The following PCDHB10 variants were observed in gnomAD, a reference collection of about 807,000 sequenced individuals.
The protein encoded by PCDHB10 is protocadherin beta-10.
For synonymous variants in PCDHB10, 448 were observed against 449.2 expected, an observed-to-expected ratio of 1.00 and a Z score of 0.04; for missense variants, 1,046 against 1,004.7, an observed-to-expected ratio of 1.04 and a Z score of -0.56.
chr5:141,192,955 G>A lies in PCDHB10; in HGVS notation c.403G>A (p.Asp135Asn), dbSNP rs2907324. The A allele has an allele frequency of 6.2e-6, 10 of 1,614,140 alleles. No homozygotes were observed. Among genetic ancestry groups the A allele is most frequent in the Non-Finnish European group, 8.5e-6 (10 of 1,180,024 alleles). The change falls in exon 1 of 1, where the codon GAC (aspartate) becomes AAC (asparagine). Residue 135 changes from aspartate to asparagine, a missense_variant. Asp to Asn is a conservative substitution (Grantham distance 23, BLOSUM62 1). Coordinates refer to ENST00000239446, the MANE Select transcript of PCDHB10 (RefSeq NM_018930.4). Reference protein sequence around the residue: ...DINDHAPVFQDKETVLKISEN... With the variant: ...DINDHAPVFQNKETVLKISEN... ...AAATGATCACGCGCCAGTATTTCAG[G>A]ACAAAGAAACAGTCTTAAAAATATC...
chr5:141,193,967 G>A lies in PCDHB10; in HGVS notation c.1415G>A (p.Ser472Asn), dbSNP rs782457966. The A allele has an allele frequency of 6.2e-7, 1 of 1,611,170 alleles. No individual in the cohort carries two copies. The highest frequency in any genetic ancestry group is 8.5e-7 in the Non-Finnish European group (1 of 1,179,508). ...AACAGCCCCGCCCTGCACATCGGCA[G>A]CGTCAGCGCCACAGACAGAGACTCG... The part of the protein sequence containing the change: ...ENNSPALHIG[S>N]VSATDRDSGT... The change falls in exon 1 of 1, where the codon AGC becomes AAC. Residue 472 changes from serine (S) to asparagine (N), a missense_variant. Physicochemically the swap from Ser to Asn is conservative, Grantham distance 46 (BLOSUM62 1). Coordinates refer to ENST00000239446, the MANE Select transcript of PCDHB10 (RefSeq NM_018930.4).
Position 141,193,560 on chromosome 5 carries a change from A to T in PCDHB10, c.1008A>T (p.Glu336Asp). The change falls in exon 1 of 1, where the codon GAA (glutamate) becomes GAT (aspartate). Residue 336 changes from glutamate (E) to aspartate (D), a missense_variant. Glu to Asp is a conservative substitution (Grantham distance 45). Transcript: ENST00000239446. ...GLSARCRVLV[E>D]VLDTNDNPPE... ...CTGCAAGATGTAGGGTTTTAGTGGA[A>T]GTATTGGACACCAATGACAATCCCC... 1.2e-6 allele frequency: 2 copies of T among 1,614,144 alleles called. No homozygotes were observed. Among genetic ancestry groups the T allele is most frequent in the Non-Finnish European group, 8.5e-7 (1 of 1,180,018 alleles).
Position 141,193,483 on chromosome 5 carries a change from T to C in PCDHB10, c.931T>C (p.Leu311=). ...IFLRELLDYE[L]VNSYKINIQA... ...TCTCAGAGAATTGCTTGATTATGAG[T>C]TAGTAAATTCTTACAAAATAAATAT... Residue 311 remains leucine, a synonymous_variant, in exon 1 of 1, where the codon TTA becomes CTA. Coordinates refer to ENST00000239446, the MANE Select transcript of PCDHB10 (RefSeq NM_018930.4). 1 of 1,614,130 alleles carries C rather than the reference T, an allele frequency of 6.2e-7. No homozygotes were observed. Among genetic ancestry groups the C allele is most frequent in the Non-Finnish European group, 8.5e-7 (1 of 1,180,024 alleles).
chr5:141,192,549 A>T lies in PCDHB10; in HGVS notation c.-4A>T. 1 of 1,612,780 alleles carries T rather than the reference A, an allele frequency of 6.2e-7. No individual in the cohort carries two copies. The highest frequency in any genetic ancestry group is 2.2e-5 in the East Asian group (1 of 44,880). Reference sequence around the variant, plus strand: ...CCAACTAGGAAATAACGTATGCAGCAGCTATGGCTGTCAGAGAGTTGTGCT... The same window carrying T: ...CCAACTAGGAAATAACGTATGCAGCTGCTATGGCTGTCAGAGAGTTGTGCT... On this transcript the variant is annotated 5_prime_UTR_variant, in exon 1 of 1. Coordinates refer to ENST00000239446, the MANE Select transcript of PCDHB10 (RefSeq NM_018930.4).
At position 141,193,586 on chromosome 5, in the gene PCDHB10, C is replaced by G. The variant is rs146126726; in HGVS notation, c.1034C>G (p.Pro345Arg). The stretch of plus-strand genomic sequence containing the variant: ...GTATTGGACACCAATGACAATCCCC[C>G]TGAACTGATCGTATCATCATTTTCC... ...VEVLDTNDNP[P>R]ELIVSSFSNS... The change falls in exon 1 of 1, where the codon CCT (proline) becomes CGT (arginine). Residue 345 changes from proline (P) to arginine (R), a missense_variant. Transcript: ENST00000239446. 7 of 1,613,990 alleles carry G rather than the reference C, an allele frequency of 4.3e-6. No individual in the cohort carries two copies. In the African/African-American group the frequency reaches 9.3e-5, roughly 22 times the overall value.
rs782512834 is a variant in PCDHB10, at chr5:141,195,191, A to T, written c.*236A>T. On this transcript the variant is annotated 3_prime_UTR_variant, in exon 1 of 1. Transcript: ENST00000239446. The stretch of plus-strand genomic sequence containing the variant: ...AGGTTTTAATTCTTTCCAACTGCCC[A>T]AGGAATTAATTACTATTATATCTCA... The T allele has an allele frequency of 1.2e-5, 5 of 408,464 alleles. No homozygotes were observed. Among genetic ancestry groups the T allele is most frequent in the Non-Finnish European group, 2.2e-5 (5 of 223,422 alleles). The allele number at this position is 408,464 out of a possible 1,614,324, so 25.3% of individuals were successfully genotyped here. A position where few individuals can be genotyped will look rare whatever the true frequency, so the allele number is the denominator to read the frequency against.
chr5:141,194,480 T>C lies in PCDHB10; in HGVS notation c.1928T>C (p.Leu643Pro), dbSNP rs782035191. The C allele has an allele frequency of 2.5e-6, 4 of 1,596,430 alleles. No homozygotes were observed. The highest frequency in any genetic ancestry group is 3.4e-6 in the Non-Finnish European group (4 of 1,177,006). Residue 643 changes from leucine (L) to proline (P), a missense_variant, in exon 1 of 1, where the codon CTT becomes CCT. Physicochemically the swap from Leu to Pro is moderately conservative, Grantham distance 98 (BLOSUM62 -3). Coordinates refer to ENST00000239446, the MANE Select transcript of PCDHB10 (RefSeq NM_018930.4). ...GCAGCCAAGCACAGGCTCGTGGTGCTTGTCAAGGACAATGGCGAGCCTCCT... is the reference window on the plus strand; with the variant it reads ...GCAGCCAAGCACAGGCTCGTGGTGCCTGTCAAGGACAATGGCGAGCCTCCT... ...RDAAKHRLVV[L>P]VKDNGEPPRS...
At position 141,194,810 on chromosome 5, in the gene PCDHB10, A is replaced by G. The variant is rs1554284523; in HGVS notation, c.2258A>G (p.Tyr753Cys). Residue 753 changes from tyrosine to cysteine, a missense_variant, in exon 1 of 1, where the codon TAT becomes TGT. Coordinates refer to ENST00000239446, the MANE Select transcript of PCDHB10 (RefSeq NM_018930.4). ...GAGACCCTGTCCCAGAGCTACCAGTATGAGGTGTGTCTGACGGGAGGCCCC... is the reference window on the plus strand; with the variant it reads ...GAGACCCTGTCCCAGAGCTACCAGTGTGAGGTGTGTCTGACGGGAGGCCCC... ...GAETLSQSYQ[Y>C]EVCLTGGPGT... is the part of the protein sequence containing the mutation. The G allele has an allele frequency of 1.1e-5, 18 of 1,613,914 alleles. No individual in the cohort carries two copies. The highest frequency in any genetic ancestry group is 1.7e-5 in the Admixed American group (1 of 60,002).
In PCDHB10 at chr5:141,192,560, T is replaced by A. The variant is rs782339046; in HGVS notation, c.8T>A (p.Val3Asp). The A allele has an allele frequency of 3.7e-6, 6 of 1,613,460 alleles. No homozygotes were observed. The East Asian group carries it at 1.3e-4, about 36-fold the overall frequency. Residue 3 changes from valine to aspartate, a missense_variant, in exon 1 of 1, where the codon GTC (valine) becomes GAC (aspartate). Val to Asp is a radical substitution (Grantham distance 152). Coordinates refer to ENST00000239446, the MANE Select transcript of PCDHB10 (RefSeq NM_018930.4). MA[V>D]RELCFPRQRQ... ...ATAACGTATGCAGCAGCTATGGCTG[T>A]CAGAGAGTTGTGCTTCCCAAGACAA...
rs782427668 is a variant in PCDHB10 at position 141,194,700 on chromosome 5, C to T, written c.2148C>T (p.Cys716=). The T allele has an allele frequency of 1.9e-5, 30 of 1,609,412 alleles. No homozygotes were observed. The highest frequency in any genetic ancestry group is 6.7e-5 in the Admixed American group (4 of 59,948). The part of the protein sequence containing the change: ...SVLLFVAVRL[C]RRSRAASVGR... ...TCCTGTTCGTGGCGGTGCGGCTGTG[C>T]AGGAGGAGCAGGGCGGCCTCGGTGG... The change falls in exon 1 of 1, where the codon TGC becomes TGT. Residue 716 remains cysteine (C), a synonymous_variant. Transcript: ENST00000239446.
chr5:141,193,170 A>G lies in PCDHB10; in HGVS notation c.618A>G (p.Gly206=). 1.2e-6 allele frequency: 2 copies of G among 1,614,130 alleles called. No individual in the cohort carries two copies. The highest frequency in any genetic ancestry group is 8.5e-7 in the Non-Finnish European group (1 of 1,180,028). Residue 206 remains glycine (G), a synonymous_variant, in exon 1 of 1, where the codon GGA becomes GGG. Transcript: ENST00000239446. ...AAGCACTGGATCGGGAGGAGCAGGG[A>G]GAGCTCAGCTTAACCCTCACAGCGC... The part of the protein sequence containing the change: ...LDKALDREEQ[G]ELSLTLTALD...
In PCDHB10 at chr5:141,194,624, A is replaced by G. The variant is rs781796342; in HGVS notation, c.2072A>G (p.Tyr691Cys). The stretch of plus-strand genomic sequence containing the variant: ...GCCGAGGCCGACTTGCTCACCGTCT[A>G]CCTGGTGGTGGCGTTGGCCTCGGTG... ...AQAEADLLTV[Y>C]LVVALASVSS... The change falls in exon 1 of 1, where the codon TAC becomes TGC. Residue 691 changes from tyrosine (Y) to cysteine (C), a missense_variant. Tyr to Cys is a radical substitution (Grantham distance 194). Coordinates refer to ENST00000239446, the MANE Select transcript of PCDHB10 (RefSeq NM_018930.4). The G allele has an allele frequency of 1.1e-5, 18 of 1,596,802 alleles. 1 individual carries two copies. The highest frequency in any genetic ancestry group is 2.2e-4 in the Middle Eastern group (1 of 4,572).
Position 141,195,505 on chromosome 5 carries a change from T to G in PCDHB10, c.*550T>G, listed in dbSNP as rs1554284624. ...GTTTATATACTTATTATTTTATCTT[T>G]AAGCATGCTACTTTTACTTGGCCAA... On this transcript the variant is annotated 3_prime_UTR_variant, in exon 1 of 1. Coordinates refer to ENST00000239446, the MANE Select transcript of PCDHB10 (RefSeq NM_018930.4). 1 of 167,054 alleles carries G rather than the reference T, an allele frequency of 6.0e-6. No individual in the cohort carries two copies. 10.3% of individuals were successfully genotyped at this position (167,054 alleles called of 1,614,324 possible). A position where few individuals can be genotyped will look rare whatever the true frequency, so the allele number is the denominator to read the frequency against.
Position 141,192,411 on chromosome 5 carries a change from C to A in PCDHB10, c.-142C>A, listed in dbSNP as rs540426139. The A allele has an allele frequency of 1.9e-6, 2 of 1,056,800 alleles. No individual in the cohort carries two copies. Among genetic ancestry groups the A allele is most frequent in the Non-Finnish European group, 2.8e-6 (2 of 724,618 alleles). The allele number at this position is 1,056,800 out of a possible 1,614,324, so 65.5% of individuals were successfully genotyped here. On this transcript the variant is annotated 5_prime_UTR_variant, in exon 1 of 1. Transcript: ENST00000239446. Reference sequence around the variant, plus strand: ...CGGACAGATGAACTTAAAAGAGAAGCTTTAGCTGCCAAAGATTGGGAAAGG... The same window carrying A: ...CGGACAGATGAACTTAAAAGAGAAGATTTAGCTGCCAAAGATTGGGAAAGG...
rs781810290 is a variant in PCDHB10 at position 141,194,166 on chromosome 5, C to T, written c.1614C>T (p.Ser538=). Residue 538 remains serine (S), a synonymous_variant, in exon 1 of 1, where the codon TCC becomes TCT. Transcript: ENST00000239446. Reference sequence around the variant, plus strand: ...GCGTGGGCGCCACAGACCGCGGCTCCCCCGCGCTGAGCAGAGAGGCGCTGG... The same window carrying T: ...GCGTGGGCGCCACAGACCGCGGCTCTCCCGCGCTGAGCAGAGAGGCGCTGG... ...EFRVGATDRG[S]PALSREALVR... is the part of the protein sequence containing the mutation. The T allele has an allele frequency of 1.9e-6, 3 of 1,604,738 alleles. No individual in the cohort carries two copies. The highest frequency in any genetic ancestry group is 2.2e-5 in the South Asian group (2 of 90,820).
rs1340169572 is a variant in PCDHB10, at chr5:141,194,741, C to T, written c.2189C>T (p.Pro730Leu). ...GCCTCGGTGGGTCGCTGCTCGGTGC[C>T]CGAGGGTCCTTTTCCAGGGCATCTG... ...RAASVGRCSV[P>L]EGPFPGHLVD... Residue 730 changes from proline (P) to leucine (L), a missense_variant, in exon 1 of 1, where the codon CCC becomes CTC. Transcript: ENST00000239446. The T allele has an allele frequency of 1.2e-6, 2 of 1,612,952 alleles. No homozygotes were observed. Among genetic ancestry groups the T allele is most frequent in the African/African-American group, 2.7e-5 (2 of 74,714 alleles).
Position 141,193,773 on chromosome 5 carries a change from C to T in PCDHB10, c.1221C>T (p.Gly407=), listed in dbSNP as rs1396278677. 1.9e-5 allele frequency: 30 copies of T among 1,613,948 alleles called. 1 individual carries two copies. The African/African-American group carries it at 2.9e-4, about 16-fold the overall frequency. The part of the protein sequence containing the change: ...VENFYILITE[G]ALDREIRAEY... ...ATTTTTACATCCTAATTACAGAAGGCGCGCTGGACAGAGAGATCAGAGCCG... is the reference window on the plus strand; with the variant it reads ...ATTTTTACATCCTAATTACAGAAGGTGCGCTGGACAGAGAGATCAGAGCCG... The change falls in exon 1 of 1, where the codon GGC becomes GGT. Residue 407 remains glycine, a synonymous_variant. Coordinates refer to ENST00000239446, the MANE Select transcript of PCDHB10 (RefSeq NM_018930.4).
rs781992857 is a variant in PCDHB10, at chr5:141,194,360, C to G, written c.1808C>G (p.Ser603Trp). 21 of 1,601,882 alleles carry G rather than the reference C, an allele frequency of 1.3e-5. No homozygotes were observed. Among genetic ancestry groups the G allele is most frequent in the African/African-American group, 2.7e-5 (2 of 74,908 alleles). The change falls in exon 1 of 1, where the codon TCG becomes TGG. Residue 603 changes from serine (S) to tryptophan (W), a missense_variant. Transcript: ENST00000239446. ...DGDSGQNAWL[S>W]YQLLKATEPG... ...GACTCGGGCCAGAACGCCTGGCTGT[C>G]GTACCAGCTGCTCAAGGCCACGGAG...
chr5:141,194,788 A>G lies in PCDHB10; in HGVS notation c.2236A>G (p.Thr746Ala). The G allele has an allele frequency of 1.2e-6, 2 of 1,613,518 alleles. No individual in the cohort carries two copies. Among genetic ancestry groups the G allele is most frequent in the Non-Finnish European group, 1.7e-6 (2 of 1,179,868 alleles). The change falls in exon 1 of 1, where the codon ACC becomes GCC. Residue 746 changes from threonine to alanine, a missense_variant. Thr to Ala is a moderately conservative substitution (Grantham distance 58). Coordinates refer to ENST00000239446, the MANE Select transcript of PCDHB10 (RefSeq NM_018930.4). ...TCTGGTGGACGTGAGGGGCGCTGAG[A>G]CCCTGTCCCAGAGCTACCAGTATGA... is the stretch of plus-strand genomic sequence containing the variant. ...GHLVDVRGAE[T>A]LSQSYQYEVC...
Sources: allele counts gnomAD v4.1 joint callset, GRCh38; gene constraint gnomAD v4.1.1; transcripts MANE v1.5; gene names NCBI Gene and HGNC (gene_info 2026-07-23, HGNC 2026-07-21).